SUPT3H: variants seen among roughly 807,000 people sequenced by gnomAD.
SUPT3H encodes the protein transcription initiation protein SPT3 homolog.
A neutral mutation model predicts 44.3 loss-of-function variants in SUPT3H; 44 were observed. That is an observed-to-expected ratio of 0.99 (90% CI 0.78 to 1.28). The LOEUF (loss-of-function observed/expected upper bound fraction) is 1.28, where lower values mean the gene tolerates loss of function less well. Ranked by LOEUF, SUPT3H falls within the 50% of genes most tolerant of loss-of-function variation. The probability of loss-of-function intolerance (pLI) is 0.00; values close to 1 mark genes in which losing one functional copy is unlikely to be tolerated. For missense variants in SUPT3H, 380 were observed against 387.1 expected (o/e 0.98, Z 0.15); for synonymous variants, 124 against 125.6 (o/e 0.99, Z 0.09).
intron 2 of SUPT3H, among the ~76,000 whole-genome samples, chr6:45,145,390 C>T (rs1805883181): frequency 6.6e-6 from 1 of 152,006 alleles, no homozygotes; most frequent in Non-Finnish European, 1.5e-5. Context: ...TGATCTTCGA[C>T]AATACAAACA....
chr6:45,188,820 T>C (rs1007179998), intron 2 of SUPT3H, among the ~76,000 whole-genome samples: 5 of 152,196 alleles, frequency 3.3e-5, no homozygotes, highest in African/African-American at 1.2e-4. Context: ...CACCCTTAAA[T>C]GATGGTACTC....
chr6:44,831,590 C>G (rs747818390), intron 10 of SUPT3H, among the ~76,000 whole-genome samples: 2 of 152,116 alleles, frequency 1.3e-5, no homozygotes, highest in Non-Finnish European at 2.9e-5. Flanking sequence ...AATTTTATAA[C>G]CACAGTGACA....
At chr6:45,297,532 C>T (rs1722046621) in intron 2 of SUPT3H, among the ~76,000 whole-genome samples, 2 of 152,202 alleles carry the variant, frequency 1.3e-5, no homozygotes, top group Admixed American at 1.3e-4. Context: ...GACAGGTTGG[C>T]AGAAATGCAA....
chr6:44,887,272 T>C (rs1024287239), intron 10 of SUPT3H, among the ~76,000 whole-genome samples: 2 of 152,140 alleles, frequency 1.3e-5, no homozygotes, highest in Admixed American at 6.6e-5. Context: ...GCTGACCTAA[T>C]AGACATCTAC....
intron 2 of SUPT3H, among the ~76,000 whole-genome samples, chr6:45,348,730 GAAATAATAT>G (rs756960123): frequency 6.6e-6 from 1 of 150,714 alleles, no homozygotes; most frequent in Non-Finnish European, 1.5e-5. Context: ...GGCATTAAAT[GAAATAATAT>G]ATAGGAAGAT....
chr6:44,902,746 T>G (rs1256108217), intron 10 of SUPT3H, among the ~76,000 whole-genome samples: 3 of 152,120 alleles, frequency 2.0e-5, no homozygotes, highest in Non-Finnish European at 2.9e-5. Context: ...AGCACCACAC[T>G]GCACTTACTC....
intron 2 of SUPT3H, among the ~76,000 whole-genome samples, chr6:45,319,261 T>C (rs535269835): frequency 6.6e-6 from 1 of 152,244 alleles, no homozygotes; most frequent in African/African-American, 2.4e-5. Flanking sequence ...TATAATTAAA[T>C]ATGGGAGGTA....
intron 6 of SUPT3H, among the ~76,000 whole-genome samples, chr6:44,990,459 A>G (rs138027709): frequency 2.7e-3 from 417 of 152,102 alleles, no homozygotes; most frequent in African/African-American, 9.6e-3. Context: ...TAGCTTGGTA[A>G]CATAATTGGA....
At chr6:44,922,758 CATCT>C (rs1435600177) in intron 10 of SUPT3H, among the ~76,000 whole-genome samples, 1 of 152,096 alleles carries the variant, frequency 6.6e-6, no homozygotes, top group Non-Finnish European at 1.5e-5. Context: ...CTGAAAGAGT[CATCT>C]ATCTGAGTAT....
chr6:45,061,648 T>A (rs1489189908), intron 3 of SUPT3H, among the ~76,000 whole-genome samples: 1 of 152,224 alleles, frequency 6.6e-6, no homozygotes, highest in African/African-American at 2.4e-5. Context: ...TTGTTTATGC[T>A]TTTAAAAACA....
At chr6:45,043,010 G>T (rs1788781057) in intron 3 of SUPT3H, among the ~76,000 whole-genome samples, 1 of 152,034 alleles carries the variant, frequency 6.6e-6, no homozygotes, top group Non-Finnish European at 1.5e-5. Flanking sequence ...CAAAACGGCA[G>T]TGTCCTCCCT....
At chr6:45,148,870 C>G (rs1806495779) in intron 2 of SUPT3H, among the ~76,000 whole-genome samples, 2 of 152,094 alleles carry the variant, frequency 1.3e-5, no homozygotes, top group South Asian at 4.1e-4. Flanking sequence ...TTCTGAAATG[C>G]ATGCTGACTT....
intron 2 of SUPT3H, among the ~76,000 whole-genome samples, chr6:45,357,916 C>T (rs985922749): frequency 1.3e-5 from 2 of 151,976 alleles, no homozygotes; most frequent in East Asian, 3.9e-4. Context: ...TAAATACATT[C>T]ACAAAAGAAC....
chr6:45,018,941 C>T (rs1407594277), intron 4 of SUPT3H, among the ~76,000 whole-genome samples: 1 of 152,064 alleles, frequency 6.6e-6, no homozygotes. Context: ...CCTCCTTGTA[C>T]CTCTGGTAGA....
chr6:45,077,305 T>C (rs933518846), intron 3 of SUPT3H, among the ~76,000 whole-genome samples: 3 of 152,040 alleles, frequency 2.0e-5, no homozygotes, highest in Admixed American at 6.6e-5. Context: ...GTACCAACCA[T>C]AGGATTTTGC....
At chr6:45,334,246 G>A (rs1248826607) in intron 2 of SUPT3H, among the ~76,000 whole-genome samples, 1 of 150,614 alleles carries the variant, frequency 6.6e-6, no homozygotes, top group Non-Finnish European at 1.5e-5. Flanking sequence ...CAGTTACATC[G>A]ATTTTTTACA....
intron 2 of SUPT3H, chr6:45,328,468 C>T (rs760197258): frequency 6.8e-7 from 1 of 1,477,152 alleles, no homozygotes; most frequent in Admixed American, 1.8e-5. Context: ...TCAGTGAGTG[C>T]TCTCTAACCA....
intron 2 of SUPT3H, among the ~76,000 whole-genome samples, chr6:45,111,564 T>C (rs1417071082): frequency 1.7e-5 from 2 of 117,218 alleles, no homozygotes; most frequent in Non-Finnish European, 3.2e-5. Context: ...AGAAAACAGT[T>C]TCATTTGTTA....
chr6:45,164,488 T>C (rs1214721609), intron 2 of SUPT3H, among the ~76,000 whole-genome samples: 1 of 152,194 alleles, frequency 6.6e-6, no homozygotes, highest in Non-Finnish European at 1.5e-5. Context: ...CAGTCTCCTT[T>C]ATACAGGTAG....
Sources: gnomAD v4.1 joint callset for allele counts (sites outside exome capture counted in the v4.1 genomes callset) on GRCh38, gnomAD v4.1.1 for gene constraint, MANE v1.5 for transcripts, NCBI Gene and HGNC (gene_info 2026-07-23, HGNC 2026-07-21) for gene names.